SATL1: variants seen among roughly 807,000 people sequenced by gnomAD.
SATL1 encodes the protein spermidine/spermine N(1)-acetyltransferase-like protein 1.
SATL1 carries 47 observed loss-of-function variants against 51.8 expected under a neutral mutation model. The ratio of observed to expected loss-of-function variants is 0.91; its 90% confidence interval spans 0.72 to 1.16. The LOEUF (loss-of-function observed/expected upper bound fraction) is 1.16. Among genes scored for constraint, SATL1 ranks in the 50% most tolerant of loss-of-function variants. The probability of loss-of-function intolerance (pLI) is 0.00; values close to 1 mark genes in which losing one functional copy is unlikely to be tolerated. For synonymous variants in SATL1, 176 were observed against 182.4 expected, an observed-to-expected ratio of 0.97 and a Z score of 0.28; for missense variants, 520 against 526.4, an observed-to-expected ratio of 0.99 and a Z score of 0.12.
chrX:85,146,054 G>A (rs192739928), intron 2 of SATL1, among the ~76,000 whole-genome samples: 7 of 109,857 alleles, frequency 6.4e-5, no homozygotes, highest in Non-Finnish European at 1.1e-4. Flanking sequence ...CCGCCACCAC[G>A]CCCGGCAATT....
intron 4 of SATL1, among the ~76,000 whole-genome samples, chrX:85,103,042 T>A (rs1235251054): frequency 2.7e-5 from 3 of 111,655 alleles, no homozygotes; most frequent in Non-Finnish European, 5.6e-5. Context: ...TTACTATTTC[T>A]TTTAAGCCAA....
intron 2 of SATL1, among the ~76,000 whole-genome samples, chrX:85,173,652 A>G (rs1927022207): frequency 9.0e-6 from 1 of 111,137 alleles, no homozygotes; most frequent in African/African-American, 3.3e-5. Context: ...TTTAGAGGAA[A>G]GCATTTCAAA....
intron 2 of SATL1, among the ~76,000 whole-genome samples, chrX:85,157,059 G>A (rs1289827878): frequency 1.9e-5 from 2 of 106,994 alleles, no homozygotes; most frequent in East Asian, 5.8e-4. Context: ...GTTTTAAATC[G>A]AACAAATCAT....
chrX:85,115,923 G>A (rs751663594), intron 2 of SATL1, among the ~76,000 whole-genome samples: 270 of 39,522 alleles, frequency 6.8e-3, no homozygotes, highest in African/African-American at 0.065. Context: ...ATCAGGGTGA[G>A]CTGAGATCAG....
At chrX:85,145,224 C>T (rs748040984) in intron 2 of SATL1, among the ~76,000 whole-genome samples, 7 of 111,107 alleles carry the variant, frequency 6.3e-5, no homozygotes, top group Non-Finnish European at 9.4e-5. Context: ...TGGAAATGTC[C>T]TAGCAACCCA....
intron 2 of SATL1, among the ~76,000 whole-genome samples, chrX:85,135,064 TA>T (rs1437696217): frequency 9.0e-6 from 1 of 111,416 alleles, no homozygotes; most frequent in East Asian, 2.8e-4. Context: ...CTCAGCAAAC[TA>T]ATGCAGGAAG....
intron 2 of SATL1, among the ~76,000 whole-genome samples, chrX:85,144,476 A>G (rs1258869225): frequency 9.0e-6 from 1 of 111,693 alleles, no homozygotes; most frequent in Non-Finnish European, 1.9e-5. Context: ...TGGGATTCAG[A>G]CAATCTGAAC....
chrX:85,172,562 T>G (rs1480997636), intron 2 of SATL1, among the ~76,000 whole-genome samples: 1 of 111,395 alleles, frequency 9.0e-6, no homozygotes, highest in African/African-American at 3.3e-5. Context: ...GTCCTACCAT[T>G]CTTTCATCTT....
intron 2 of SATL1, among the ~76,000 whole-genome samples, chrX:85,146,163 G>T (rs955957821): frequency 1.3e-4 from 15 of 111,515 alleles, no homozygotes; most frequent in African/African-American, 4.9e-4. Context: ...CTCCCAAAGT[G>T]CTGGGATTAC....
At chrX:85,094,373 A>C (rs769076390) in intron 5 of SATL1, 144 bp from the exon 6 acceptor site, 12 of 419,721 alleles carry the variant, frequency 2.9e-5, no homozygotes, top group Non-Finnish European at 4.7e-5. Flanking sequence ...AAAAACATAT[A>C]GTGTAGAGGA....
At position 85,095,548 on chromosome X, in the gene SATL1, C is replaced by T. The variant is rs554637084; in HGVS notation, c.1694-552G>A. 5.0e-4 allele frequency among the ~76,000 whole-genome samples: 54 copies of T among 109,014 alleles called. 1 individual carries two copies. The South Asian group carries it at 0.021, about 42-fold the overall frequency. The allele number at this position is 109,014 out of a possible 115,157, so 94.7% of individuals were successfully genotyped here. On this transcript the variant is annotated intron_variant, in intron 4 of 7. Transcript: ENST00000644105. ...TGTGTGACTAGATAAAGATGGAGGCCGGGCGCGGTGGCTCACGCCTGTAAT... is the reference window on the plus strand; with the variant it reads ...TGTGTGACTAGATAAAGATGGAGGCTGGGCGCGGTGGCTCACGCCTGTAAT...
chrX:85,100,128 C>T (rs190725008), intron 4 of SATL1, among the ~76,000 whole-genome samples: 1 of 112,277 alleles, frequency 8.9e-6, no homozygotes. Flanking sequence ...ATTGCTTTAA[C>T]CTGGGACATG....
chrX:85,149,557 G>C lies in SATL1; in HGVS notation c.-312-40277C>G, dbSNP rs748368448. Among the ~76,000 whole-genome samples the C allele has an allele frequency of 4.5e-5, 5 of 111,132 alleles. No homozygotes were observed. In the East Asian group the frequency reaches 8.5e-4, roughly 19 times the overall value. On this transcript the variant is annotated intron_variant, in intron 2 of 7. Coordinates refer to ENST00000644105, the MANE Select transcript of SATL1 (RefSeq NM_001367857.2). Reference sequence around the variant, plus strand: ...CACCTATTCCAAAATTGACCACATAGTTGGAAGTAAAGCTCTCCTCAGCAA... The same window carrying C: ...CACCTATTCCAAAATTGACCACATACTTGGAAGTAAAGCTCTCCTCAGCAA...
In SATL1 at chrX:85,109,157, G is replaced by C; in HGVS notation, c.-189C>G. 1 of 447,692 alleles carries C rather than the reference G, an allele frequency of 2.2e-6. No individual in the cohort carries two copies. Among genetic ancestry groups the C allele is most frequent in the Non-Finnish European group, 3.8e-6 (1 of 262,969 alleles). The allele number at this position is 447,692 out of a possible 1,213,427, so 36.9% of individuals were successfully genotyped here. On this transcript the variant is annotated 5_prime_UTR_variant, in exon 3 of 8. Coordinates refer to ENST00000644105, the MANE Select transcript of SATL1 (RefSeq NM_001367857.2). Reference sequence around the variant, plus strand: ...TTTGAGATACCCCTCTATCAAGGTGGGAATTGGAAAAAGAGAGGAGCACCT... The same window carrying C: ...TTTGAGATACCCCTCTATCAAGGTGCGAATTGGAAAAAGAGAGGAGCACCT...
intron 3 of SATL1, 30 bp downstream of exon 3, chrX:85,107,298 T>G: frequency 6.9e-6 from 8 of 1,154,292 alleles, no homozygotes; most frequent in Non-Finnish European, 8.3e-6. Flanking sequence ...ACCAATGCCA[T>G]GAGGCTCCAT....
intron 2 of SATL1, among the ~76,000 whole-genome samples, chrX:85,203,695 C>T (rs1927733466): frequency 8.9e-6 from 1 of 112,310 alleles, no homozygotes; most frequent in African/African-American, 3.2e-5. Context: ...CCTTCTGCCC[C>T]GGGTCAGCTC....
chrX:85,166,276 A>T (rs1926832300), intron 2 of SATL1, among the ~76,000 whole-genome samples: 2 of 111,892 alleles, frequency 1.8e-5, no homozygotes, highest in Middle Eastern at 4.6e-3. Context: ...AGAGATAAAT[A>T]GCTGGGACTT....
intron 2 of SATL1, among the ~76,000 whole-genome samples, chrX:85,155,515 G>A (rs1332628929): frequency 9.0e-6 from 1 of 111,684 alleles, no homozygotes; most frequent in Non-Finnish European, 1.9e-5. Context: ...AAAGTAAAAC[G>A]GAAAGATTTA....
intron 2 of SATL1, among the ~76,000 whole-genome samples, chrX:85,160,463 A>C (rs1410078404): frequency 9.0e-6 from 1 of 110,829 alleles, no homozygotes; most frequent in Non-Finnish European, 1.9e-5. Flanking sequence ...GAGCTGACAG[A>C]AAAAATAGCC....
Sources: allele counts gnomAD v4.1 joint callset (sites outside exome capture counted in the v4.1 genomes callset), GRCh38; gene constraint gnomAD v4.1.1; transcripts MANE v1.5; gene names NCBI Gene and HGNC (gene_info 2026-07-23, HGNC 2026-07-21).